Variants in CHD2 observed in about 807,000 individuals in gnomAD.
CHD2 encodes chromodomain helicase DNA binding protein 2, also known as ATP-dependent chromatin remodeler CHD2.
In CHD2, 28 loss-of-function variants were observed where a neutral mutation model predicts 243.9. That is an observed-to-expected ratio of 0.11 (90% CI 0.09 to 0.16). The LOEUF is 0.16. Ranked by LOEUF, CHD2 falls within the 10% of genes least tolerant of loss-of-function variation. CHD2 has a pLI of 1.00. For synonymous variants in CHD2, 775 were observed against 779.0 expected, an observed-to-expected ratio of 0.99 and a Z score of 0.09; for missense variants, 1,386 against 2,209.8, an observed-to-expected ratio of 0.63 and a Z score of 7.47.
At position 92,937,525 on chromosome 15, in the gene CHD2, T is replaced by C. The variant is rs754303758; in HGVS notation, c.451T>C (p.Trp151Arg). The change falls in exon 6 of 39, where the codon TGG (tryptophan) becomes CGG (arginine). Residue 151 changes from tryptophan to arginine, a missense_variant. Coordinates refer to ENST00000394196, the MANE Select transcript of CHD2 (RefSeq NM_001271.4). ...GQRQLKKQEK[W>R]KQEPSEDEQE... is the part of the protein sequence containing the mutation. ...TTTTGCTTTTGATCACAGAGAAAAA[T>C]GGAAACAGGAACCCTCAGAAGATGA... 2 of 1,603,828 alleles carry C rather than the reference T, an allele frequency of 1.2e-6. No individual in the cohort carries two copies. The highest frequency in any genetic ancestry group is 1.7e-6 in the Non-Finnish European group (2 of 1,176,448).
At chr15:92,982,142 T>C (rs1159789931) in intron 24 of CHD2, among the ~76,000 whole-genome samples, 1 of 152,030 alleles carries the variant, frequency 6.6e-6, no homozygotes, top group Admixed American at 6.5e-5. Flanking sequence ...AGGAAGGAAA[T>C]GATTTGATGG....
In CHD2 at chr15:93,014,724, G is replaced by C. The variant is rs56227200; in HGVS notation, c.4721G>C (p.Gly1574Ala). 41,406 of 1,613,986 alleles carry C rather than the reference G, an allele frequency of 0.026. 635 individuals are homozygous for C. The highest frequency in any genetic ancestry group is 0.03 in the Non-Finnish European group (35,897 of 1,179,934). The change falls in exon 37 of 39, where the codon GGG becomes GCG. Residue 1574 changes from glycine to alanine, a missense_variant. Gly to Ala is a moderately conservative substitution (Grantham distance 60). This residue lies in a region of CHD2 where 347 missense variants were observed against 341.6 expected (regional missense o/e 1.02). Coordinates refer to ENST00000394196, the MANE Select transcript of CHD2 (RefSeq NM_001271.4). ...CAAAAGAAGAAAGACGACGTGACTGGGGGTAAGAAACCATTTCGTCCAGAG... is the reference window on the plus strand; with the variant it reads ...CAAAAGAAGAAAGACGACGTGACTGCGGGTAAGAAACCATTTCGTCCAGAG... ...EEQKKKDDVT[G>A]GKKPFRPEAS... is the part of the protein sequence containing the mutation.
chr15:92,991,307 A>C, intron 26 of CHD2, 169 bp from the exon 27 acceptor site: 1 of 491,490 alleles, frequency 2.0e-6, no homozygotes, highest in Non-Finnish European at 3.6e-6. Flanking sequence ...TAAGTTGACT[A>C]GTTTCAAAGA....
At chr15:92,938,557 A>G (rs996719586) in intron 6 of CHD2, among the ~76,000 whole-genome samples, 7 of 152,184 alleles carry the variant, frequency 4.6e-5, no homozygotes, top group Admixed American at 1.3e-4. Flanking sequence ...GAATTTGTCA[A>G]CTGAATTTTA....
At chr15:92,940,219 C>G (rs535621536) in intron 7 of CHD2, among the ~76,000 whole-genome samples, 1 of 152,152 alleles carries the variant, frequency 6.6e-6, no homozygotes, top group South Asian at 2.1e-4. Context: ...TTTGGGAGGC[C>G]GAGGCAGGCA....
intron 26 of CHD2, among the ~76,000 whole-genome samples, chr15:92,990,935 A>G (rs1313799783): frequency 1.3e-5 from 2 of 152,146 alleles, no homozygotes; most frequent in Non-Finnish European, 2.9e-5. Context: ...AGAGTTTCCA[A>G]AATTGTTTGC....
At position 92,965,565 on chromosome 15, in the gene CHD2, C is replaced by CAAAAAAAAA. The variant is rs61447848; in HGVS notation, c.2001-1738_2001-1730dup. Among the ~76,000 whole-genome samples, 347 of 110,964 alleles carry CAAAAAAAAA rather than the reference C, an allele frequency of 3.1e-3. 10 individuals carry two copies. The highest frequency in any genetic ancestry group is 4.3e-3 in the Non-Finnish European group (251 of 58,478). The allele number at this position is 110,964 out of a possible 152,430, so 72.8% of individuals were successfully genotyped here. Reference sequence around the variant, plus strand: ...GGCGACAGAGCCGAGACTCTTTCTCCAAAAAAAAAAAAAAAAAAAAAAAAA... The same window carrying CAAAAAAAAA: ...GGCGACAGAGCCGAGACTCTTTCTCCAAAAAAAAAAAAAAAAAAAAAAAAAAAAAAAAAA... On this transcript the variant is annotated intron_variant, in intron 16 of 38. Transcript: ENST00000394196.
In CHD2 at chr15:93,024,848, C is replaced by A; in HGVS notation, c.*143C>A. The A allele has an allele frequency of 2.8e-6, 2 of 719,092 alleles. No homozygotes were observed. The highest frequency in any genetic ancestry group is 4.5e-6 in the Non-Finnish European group (2 of 445,256). 44.5% of individuals were successfully genotyped at this position (719,092 alleles called of 1,614,324 possible). On this transcript the variant is annotated 3_prime_UTR_variant, in exon 39 of 39. Coordinates refer to ENST00000394196, the MANE Select transcript of CHD2 (RefSeq NM_001271.4). ...CAACTCACTGGCTGAAGGAGCACTT[C>A]AAGGAATGGGAGGCCTTTCACTGGG...
chr15:92,946,020 T>A lies in CHD2; in HGVS notation c.1199-18T>A. The stretch of plus-strand genomic sequence containing the variant: ...AATTGACAGTTGCTAATCTATAAAT[T>A]TTTTTTATATGAAATAGCTCATAGT... On this transcript the variant is annotated intron_variant, in intron 11 of 38. Coordinates refer to ENST00000394196, the MANE Select transcript of CHD2 (RefSeq NM_001271.4). 1 of 1,544,974 alleles carries A rather than the reference T, an allele frequency of 6.5e-7. No individual in the cohort carries two copies. Among genetic ancestry groups the A allele is most frequent in the Non-Finnish European group, 8.7e-7 (1 of 1,145,262 alleles).
intron 5 of CHD2, among the ~76,000 whole-genome samples, chr15:92,936,037 A>G (rs1003244837): frequency 3.9e-5 from 6 of 152,032 alleles, no homozygotes; most frequent in African/African-American, 1.4e-4. Context: ...GGACCCATCT[A>G]CTGGGGAAAT....
chr15:93,005,149 G>T (rs538701963), intron 34 of CHD2, among the ~76,000 whole-genome samples: 1 of 152,318 alleles, frequency 6.6e-6, no homozygotes, highest in East Asian at 1.9e-4. Flanking sequence ...AGGGGAGTTA[G>T]ATAACTACAC....
chr15:92,915,435 C>T lies in CHD2; in HGVS notation c.63-8886C>T, dbSNP rs147315390. Among the ~76,000 whole-genome samples the T allele has an allele frequency of 3.4e-3, 518 of 152,190 alleles. 4 individuals carry two copies. The highest frequency in any genetic ancestry group is 0.011 in the African/African-American group (473 of 41,506). On this transcript the variant is annotated intron_variant, in intron 2 of 38. Transcript: ENST00000394196. The stretch of plus-strand genomic sequence containing the variant: ...GACTACAGGCATGTGTCACCATGCC[C>T]GGCTAACTTTTTGTATTTTTAGTAG...
intron 2 of CHD2, among the ~76,000 whole-genome samples, chr15:92,922,327 A>G (rs966262852): frequency 1.5e-4 from 23 of 152,190 alleles, no homozygotes; most frequent in Non-Finnish European, 2.1e-4. Flanking sequence ...AATAAGCAAA[A>G]TAATACATAT....
intron 13 of CHD2, among the ~76,000 whole-genome samples, chr15:92,951,944 CAGTT>C (rs999825614): frequency 5.3e-5 from 8 of 152,092 alleles, no homozygotes; most frequent in Non-Finnish European, 7.4e-5. Flanking sequence ...TTTTTTGAAT[CAGTT>C]AGGTTGCCTT....
At position 92,955,500 on chromosome 15, in the gene CHD2, C is replaced by T. The variant is rs1376609865; in HGVS notation, c.1797C>T (p.Leu599=). ...FNALITTYEI[L]LKDKTVLGSI... is the part of the protein sequence containing the mutation. ...CACTTATAACAACATATGAGATCCTCTTGAAAGATAAGGTGTGTAATTAAT... is the reference window on the plus strand; with the variant it reads ...CACTTATAACAACATATGAGATCCTTTTGAAAGATAAGGTGTGTAATTAAT... The change falls in exon 15 of 39, where the codon CTC becomes CTT. Residue 599 remains leucine, a synonymous_variant. Coordinates refer to ENST00000394196, the MANE Select transcript of CHD2 (RefSeq NM_001271.4). 1.3e-6 allele frequency: 2 copies of T among 1,590,230 alleles called. No homozygotes were observed. The highest frequency in any genetic ancestry group is 1.7e-4 in the Middle Eastern group (1 of 6,018).
At chr15:92,906,350 G>T (rs1194388333) in intron 2 of CHD2, among the ~76,000 whole-genome samples, 1 of 152,188 alleles carries the variant, frequency 6.6e-6, no homozygotes, top group African/African-American at 2.4e-5. Context: ...GATTAAGTCA[G>T]CAGAGGAAGG....
In CHD2 at chr15:93,024,816, C is replaced by G; in HGVS notation, c.*111C>G. On this transcript the variant is annotated 3_prime_UTR_variant, in exon 39 of 39. Coordinates refer to ENST00000394196, the MANE Select transcript of CHD2 (RefSeq NM_001271.4). ...AGTAAGTGGAGTTTTGGACATGCTG[C>G]TGCTGTCAACTCACTGGCTGAAGGA... 1.1e-6 allele frequency: 1 copy of G among 880,830 alleles called. No individual in the cohort carries two copies. Among genetic ancestry groups the G allele is most frequent in the African/African-American group, 1.7e-5 (1 of 58,984 alleles). The allele number at this position is 880,830 out of a possible 1,614,324, so 54.6% of individuals were successfully genotyped here.
chr15:92,919,683 G>A (rs867668550), intron 2 of CHD2, among the ~76,000 whole-genome samples: 7 of 152,122 alleles, frequency 4.6e-5, no homozygotes, highest in Non-Finnish European at 8.8e-5. Flanking sequence ...GAGCCACCGC[G>A]CCTGGCCTAA....
chr15:93,004,777 A>G, intron 34 of CHD2, 26 bp downstream of exon 34: 1 of 1,605,904 alleles, frequency 6.2e-7, no homozygotes, highest in Non-Finnish European at 8.5e-7. Flanking sequence ...GGGGGGTGCC[A>G]GTGTCTGCAG....
Sources: allele counts gnomAD v4.1 joint callset (sites outside exome capture counted in the v4.1 genomes callset), GRCh38; gene constraint gnomAD v4.1.1; regional missense constraint gnomAD v4.1.1; transcripts MANE v1.5; gene names NCBI Gene and HGNC (gene_info 2026-07-23, HGNC 2026-07-21).